Variants in SLC2A9 observed in about 807,000 individuals in gnomAD.
SLC2A9 encodes solute carrier family 2, facilitated glucose transporter member 9.
SLC2A9 carries 39 observed loss-of-function variants against 50.6 expected under a neutral mutation model. That is an observed-to-expected ratio of 0.77 (90% confidence interval 0.60 to 1.01). The LOEUF is 1.01. Among genes scored for constraint, SLC2A9 ranks in the 50% least tolerant of loss-of-function variants. The probability of loss-of-function intolerance (pLI) is 0.00; values close to 1 mark genes in which losing one functional copy is unlikely to be tolerated. For missense variants in SLC2A9, 686 were observed against 677.6 expected (o/e 1.01, Z -0.14); for synonymous variants, 324 against 276.9 (o/e 1.17, Z -1.69).
At position 10,011,646 on chromosome 4, in the gene SLC2A9, T is replaced by G. The variant is rs533220951; in HGVS notation, c.249+7329A>C. Among the ~76,000 whole-genome samples, 9 of 151,346 alleles carry G rather than the reference T, an allele frequency of 5.9e-5. No individual in the cohort carries two copies. The South Asian group carries it at 6.4e-4, about 11-fold the overall frequency. ...ATTAGCCCTAAATTTGGCAGTCTTT[T>G]ACAATAACTTCAGGATGTTTTAGAC... On this transcript the variant is annotated intron_variant, in intron 2 of 11. Transcript: ENST00000264784.
At chr4:9,950,010 C>T (rs1238320526) in intron 5 of SLC2A9, among the ~76,000 whole-genome samples, 1 of 152,156 alleles carries the variant, frequency 6.6e-6, no homozygotes, top group Non-Finnish European at 1.5e-5. Flanking sequence ...CTGCTGGCCA[C>T]AGCTTTACTG....
At chr4:9,877,368 C>G (rs1307611459) in intron 10 of SLC2A9, among the ~76,000 whole-genome samples, 1 of 152,360 alleles carries the variant, frequency 6.6e-6, no homozygotes, top group African/African-American at 2.4e-5. Context: ...CCCTCCCACC[C>G]AACTTGGGGT....
At chr4:9,834,857 CAA>C (rs1345442326) in intron 11 of SLC2A9, 22 bp downstream of exon 11, 1 of 1,613,928 alleles carries the variant, frequency 6.2e-7, no homozygotes, top group East Asian at 2.2e-5. Context: ...ACCCCATGGG[CAA>C]AAGACTCCTT....
chr4:9,936,178 T>C (rs1344455344), intron 6 of SLC2A9, among the ~76,000 whole-genome samples: 1 of 152,144 alleles, frequency 6.6e-6, no homozygotes, highest in East Asian at 1.9e-4. Context: ...AGGTGGGGCC[T>C]TTGGGGAGGT....
At chr4:9,857,186 G>A (rs1468527163) in intron 10 of SLC2A9, among the ~76,000 whole-genome samples, 2 of 152,166 alleles carry the variant, frequency 1.3e-5, no homozygotes, top group African/African-American at 4.8e-5. Flanking sequence ...AAGGATCCAG[G>A]GGACATAGCT....
At chr4:9,831,631 G>A (rs1726163041) in intron 11 of SLC2A9, among the ~76,000 whole-genome samples, 1 of 152,224 alleles carries the variant, frequency 6.6e-6, no homozygotes, top group African/African-American at 2.4e-5. Context: ...GAAAACCAGA[G>A]CTGTCCATCT....
chr4:9,864,703 T>A (rs889799866), intron 10 of SLC2A9, among the ~76,000 whole-genome samples: 1 of 152,140 alleles, frequency 6.6e-6, no homozygotes, highest in African/African-American at 2.4e-5. Context: ...CTGGGAAGCA[T>A]AAAAGAGAGA....
At chr4:9,817,820 TG>T (rs1723819733) in intron 3 of SLC2A9, among the ~76,000 whole-genome samples, 1 of 152,150 alleles carries the variant, frequency 6.6e-6, no homozygotes, top group Non-Finnish European at 1.5e-5. Context: ...CTGGAAGCCA[TG>T]GGTGACTCCA....
intron 2 of SLC2A9, among the ~76,000 whole-genome samples, chr4:10,008,497 T>C (rs1223169603): frequency 1.3e-5 from 2 of 152,242 alleles, no homozygotes; most frequent in East Asian, 3.8e-4. Context: ...AGGCCCACAT[T>C]AGGAAGATAG....
Position 9,890,668 on chromosome 4 carries a change from C to T in SLC2A9, c.1157G>A (p.Gly386Asp). 1 of 1,614,148 alleles carries T rather than the reference C, an allele frequency of 6.2e-7. No individual in the cohort carries two copies. The highest frequency in any genetic ancestry group is 8.5e-7 in the Non-Finnish European group (1 of 1,180,032). ...EHLGRRPLLIGGFGLMGLFFG... is the reference protein window; with the variant it reads ...EHLGRRPLLIDGFGLMGLFFG... ...GAAGAGGCCCATGAGCCCAAAGCCA[C>T]CAATGAGGAGGGGTCTCCGTCCCAG... The change falls in exon 9 of 12, where the codon GGT becomes GAT. Residue 386 changes from glycine to aspartate, a missense_variant. By Grantham distance (94) the Gly-to-Asp change is moderately conservative (BLOSUM62 -1). Transcript: ENST00000264784.
At chr4:9,968,470 T>A (rs1048513119) in intron 5 of SLC2A9, among the ~76,000 whole-genome samples, 1 of 152,182 alleles carries the variant, frequency 6.6e-6, no homozygotes, top group African/African-American at 2.4e-5. Flanking sequence ...ACACTAAAAA[T>A]GTTTGTCTCA....
chr4:9,995,928 G>A (rs1466931196), intron 3 of SLC2A9: 6 of 152,272 alleles, frequency 3.9e-5, no homozygotes, highest in Non-Finnish European at 7.3e-5. Flanking sequence ...CCATCACTTG[G>A]AGAAGCTCTA....
chr4:9,853,511 A>G (rs1730283961), intron 10 of SLC2A9, among the ~76,000 whole-genome samples: 1 of 152,252 alleles, frequency 6.6e-6, no homozygotes, highest in African/African-American at 2.4e-5. Flanking sequence ...ACAAGTTCTT[A>G]GAGACCTACA....
At chr4:9,831,999 C>T (rs1022670529) in intron 11 of SLC2A9, among the ~76,000 whole-genome samples, 2 of 152,204 alleles carry the variant, frequency 1.3e-5, no homozygotes, top group Non-Finnish European at 1.5e-5. Flanking sequence ...AAGAAATCAA[C>T]CGTGCTAAGC....
At chr4:9,921,708 T>C (rs753230223) in intron 6 of SLC2A9, among the ~76,000 whole-genome samples, 15 of 152,238 alleles carry the variant, frequency 9.9e-5, no homozygotes, top group Non-Finnish European at 1.8e-4. Context: ...TTTAATGCTC[T>C]CCCCAGCATT....
At chr4:9,772,856 G>A (rs1717028363) in intron 1 of SLC2A9, among the ~76,000 whole-genome samples, 1 of 151,110 alleles carries the variant, frequency 6.6e-6, no homozygotes, top group African/African-American at 2.4e-5. Flanking sequence ...AAGTTTTAGG[G>A]TACATGTGCA....
chr4:9,946,449 A>T (rs1749172938), intron 5 of SLC2A9, among the ~76,000 whole-genome samples: 1 of 152,140 alleles, frequency 6.6e-6, no homozygotes, highest in Non-Finnish European at 1.5e-5. Context: ...CAATATGCTC[A>T]TGGCCCCCAG....
At chr4:9,974,527 A>AG (rs2109033402) in intron 5 of SLC2A9, among the ~76,000 whole-genome samples, 1 of 152,088 alleles carries the variant, frequency 6.6e-6, no homozygotes, top group Non-Finnish European at 1.5e-5. Flanking sequence ...TGCCAAAAAA[A>AG]AAAACTAGGA....
intron 10 of SLC2A9, among the ~76,000 whole-genome samples, chr4:9,842,076 A>G (rs1450410629): frequency 6.6e-6 from 1 of 151,734 alleles, no homozygotes; most frequent in East Asian, 1.9e-4. Context: ...TTGTTTGGTT[A>G]CTGCTGGCCA....
Sources: gnomAD v4.1 joint callset for allele counts (sites outside exome capture counted in the v4.1 genomes callset) on GRCh38, gnomAD v4.1.1 for gene constraint, MANE v1.5 for transcripts, NCBI Gene and HGNC (gene_info 2026-07-23, HGNC 2026-07-21) for gene names.